TMCC3: variants seen among roughly 807,000 people sequenced by gnomAD.
The protein encoded by TMCC3 is transmembrane and coiled-coil domain protein 3.
TMCC3 carries 28 observed loss-of-function variants against 40.2 expected under a neutral mutation model. The observed-to-expected ratio is 0.70, with a 90% CI of 0.52 to 0.95. TMCC3 has a LOEUF of 0.95. Ranked by LOEUF, TMCC3 falls within the 40% of genes least tolerant of loss-of-function variation. The pLI, the probability that TMCC3 is intolerant of heterozygous loss-of-function variation, is 0.00. For missense variants in TMCC3, 554 were observed against 615.2 expected, an observed-to-expected ratio of 0.90 and a Z score of 1.05; for synonymous variants, 255 against 248.5, an observed-to-expected ratio of 1.03 and a Z score of -0.25.
At chr12:94,649,911 C>A (rs1048718229) in intron 1 of TMCC3, among the ~76,000 whole-genome samples, 1 of 152,200 alleles carries the variant, frequency 6.6e-6, no homozygotes, top group Non-Finnish European at 1.5e-5. Flanking sequence ...GCCACACGCC[C>A]CGAGGACAGG....
At chr12:94,599,582 A>T (rs2138847989) in intron 1 of TMCC3, among the ~76,000 whole-genome samples, 1 of 130,200 alleles carries the variant, frequency 7.7e-6, no homozygotes, top group South Asian at 2.5e-4. Context: ...ACACACACAC[A>T]CAAGCCTAAG....
chr12:94,604,424 TC>T (rs1181626919), intron 1 of TMCC3, among the ~76,000 whole-genome samples: 1 of 152,094 alleles, frequency 6.6e-6, no homozygotes, highest in Non-Finnish European at 1.5e-5. Flanking sequence ...GTGAACTAAG[TC>T]CTGTGCTGAA....
At chr12:94,596,550 C>A (rs1331573236) in intron 1 of TMCC3, among the ~76,000 whole-genome samples, 3 of 152,182 alleles carry the variant, frequency 2.0e-5, no homozygotes, top group Non-Finnish European at 1.5e-5. Flanking sequence ...GTGCTTCTCC[C>A]CATTTGCACT....
intron 2 of TMCC3, 55 bp from the exon 3 acceptor site, chr12:94,578,584 C>T (rs917126760): frequency 5.2e-5 from 81 of 1,562,982 alleles, no homozygotes; most frequent in Admixed American, 1.9e-4. Context: ...CATTGTGGAA[C>T]GATGTCCTTT....
In TMCC3 at chr12:94,635,013, T is replaced by C. The variant is rs1396581178; in HGVS notation, c.78+15340A>G. ...TTCTGGGCACAGCCCAGTTTTAACC[T>C]CCTTCTGTGTCAGATGCAGAGATAC... On this transcript the variant is annotated intron_variant, in intron 1 of 3. Transcript: ENST00000261226. Among the ~76,000 whole-genome samples the C allele has an allele frequency of 2.6e-5, 4 of 152,350 alleles. No homozygotes were observed. The East Asian group carries it at 5.8e-4, about 22-fold the overall frequency.
chr12:94,590,955 T>C (rs2068670922), intron 1 of TMCC3: 1 of 578,046 alleles, frequency 1.7e-6, no homozygotes, highest in African/African-American at 1.9e-5. Flanking sequence ...GATCACATGC[T>C]TATGATCAAC....
intron 1 of TMCC3, among the ~76,000 whole-genome samples, chr12:94,602,161 C>CTTT (rs1269684047): frequency 6.6e-6 from 1 of 152,202 alleles, no homozygotes; most frequent in Non-Finnish European, 1.5e-5. Flanking sequence ...ACTTCCTGGC[C>CTTT]TATAAAGGAT....
intron 1 of TMCC3, among the ~76,000 whole-genome samples, chr12:94,586,948 A>G (rs2068641957): frequency 6.6e-6 from 1 of 152,232 alleles, no homozygotes; most frequent in Non-Finnish European, 1.5e-5. Context: ...AGTTGGAACT[A>G]TTACTGGGCT....
chr12:94,588,669 T>C (rs2068652523), intron 1 of TMCC3, among the ~76,000 whole-genome samples: 1 of 152,224 alleles, frequency 6.6e-6, no homozygotes, highest in Non-Finnish European at 1.5e-5. Flanking sequence ...GGCCTTGGTA[T>C]GTAAGTCAGT....
At chr12:94,634,187 C>T (rs7299695) in intron 1 of TMCC3, among the ~76,000 whole-genome samples, 3,591 of 152,090 alleles carry the variant, frequency 0.024, 144 homozygotes, top group African/African-American at 0.082. Context: ...TCAGGCAATC[C>T]GCCCGGCTGG....
Position 94,597,124 on chromosome 12 carries a change from C to CATATATATAT in TMCC3, c.79-14596_79-14587dup, listed in dbSNP as rs869220054. Among the ~76,000 whole-genome samples, 127 of 29,780 alleles carry CATATATATAT rather than the reference C, an allele frequency of 4.3e-3. 2 individuals carry two copies. The highest frequency in any genetic ancestry group is 0.01 in the African/African-American group (102 of 10,106). 19.5% of individuals were successfully genotyped at this position (29,780 alleles called of 152,430 possible). ...GTAAGTCACTGTCTCTATTAAAATA[C>CATATATATAT]ATATATATATATATATATATATATA... On this transcript the variant is annotated intron_variant, in intron 1 of 3. Coordinates refer to ENST00000261226, the MANE Select transcript of TMCC3 (RefSeq NM_020698.4).
intron 1 of TMCC3, among the ~76,000 whole-genome samples, chr12:94,636,721 C>T (rs187156300): frequency 2.0e-5 from 3 of 152,344 alleles, no homozygotes; most frequent in Non-Finnish European, 2.9e-5. Flanking sequence ...TGTTCATTGG[C>T]CCTGAAGAAA....
intron 1 of TMCC3, among the ~76,000 whole-genome samples, chr12:94,640,200 C>T (rs914249452): frequency 6.6e-6 from 1 of 152,194 alleles, no homozygotes; most frequent in Non-Finnish European, 1.5e-5. Context: ...GACAGGGTCT[C>T]GCCATCACCC....
At chr12:94,648,271 C>T (rs1594303757) in intron 1 of TMCC3, among the ~76,000 whole-genome samples, 1 of 150,382 alleles carries the variant, frequency 6.6e-6, no homozygotes, top group East Asian at 1.9e-4. Flanking sequence ...CAGAGTCTCG[C>T]TCTGTGCCCA....
intron 3 of TMCC3, among the ~76,000 whole-genome samples, 197 bp from the exon 4 acceptor site, chr12:94,571,934 C>T (rs1299865): frequency 0.71 from 107,429 of 152,176 alleles, 38,268 homozygotes; most frequent in Non-Finnish European, 0.74. Context: ...CTGTTGTTCA[C>T]GAGTAGAAGA....
chr12:94,641,943 C>A (rs2138885746), intron 1 of TMCC3, among the ~76,000 whole-genome samples: 1 of 151,400 alleles, frequency 6.6e-6, no homozygotes, highest in East Asian at 1.9e-4. Context: ...TATATATTAG[C>A]AACAATACAG....
chr12:94,603,788 A>G (rs1175674116), intron 1 of TMCC3, among the ~76,000 whole-genome samples: 1 of 152,246 alleles, frequency 6.6e-6, no homozygotes, highest in East Asian at 1.9e-4. Flanking sequence ...CAAAAAAGTA[A>G]TAAGATGCAA....
intron 3 of TMCC3, among the ~76,000 whole-genome samples, chr12:94,576,118 C>T (rs1243800279): frequency 3.3e-5 from 5 of 152,118 alleles, no homozygotes; most frequent in African/African-American, 9.7e-5. Context: ...TCAAGTTTCT[C>T]GAATAAGCCA....
In TMCC3 at chr12:94,642,511, C is replaced by G. The variant is rs573104034; in HGVS notation, c.78+7842G>C. Among the ~76,000 whole-genome samples, 18 of 152,312 alleles carry G rather than the reference C, an allele frequency of 1.2e-4. 1 individual carries two copies. The highest frequency in any genetic ancestry group is 4.3e-4 in the African/African-American group (18 of 41,556). ...TTAGTTGGCACAGTCTCCTCGAATGCCTTTAAGACCTGAGGAAGATACAGG... is the reference window on the plus strand; with the variant it reads ...TTAGTTGGCACAGTCTCCTCGAATGGCTTTAAGACCTGAGGAAGATACAGG... On this transcript the variant is annotated intron_variant, in intron 1 of 3. Transcript: ENST00000261226.
Sources: allele counts gnomAD v4.1 joint callset (sites outside exome capture counted in the v4.1 genomes callset), GRCh38; gene constraint gnomAD v4.1.1; transcripts MANE v1.5; gene names NCBI Gene and HGNC (gene_info 2026-07-23, HGNC 2026-07-21).